The following KCNIP1 variants were observed in gnomAD, a reference collection of about 807,000 sequenced individuals.
KCNIP1 encodes potassium voltage-gated channel interacting protein 1.
Under a neutral mutation model 33.0 loss-of-function variants are expected in KCNIP1, and 18 were observed. That is an observed-to-expected ratio of 0.55 (90% CI 0.38 to 0.81). The LOEUF (loss-of-function observed/expected upper bound fraction) is 0.81, where lower values mean the gene tolerates loss of function less well. KCNIP1 is among the 30% of genes least tolerant of loss of function. The pLI is 0.00. For synonymous variants in KCNIP1, 93 were observed against 98.3 expected, an observed-to-expected ratio of 0.95 and a Z score of 0.32; for missense variants, 238 against 271.6, an observed-to-expected ratio of 0.88 and a Z score of 0.87.
chr5:170,660,448 A>C lies in KCNIP1; in HGVS notation c.62-58310A>C, dbSNP rs553040563. Among the ~76,000 whole-genome samples, 42 of 151,856 alleles carry C rather than the reference A, an allele frequency of 2.8e-4. No individual in the cohort carries two copies. The South Asian group carries it at 8.5e-3, about 31-fold the overall frequency. On this transcript the variant is annotated intron_variant, in intron 1 of 7. Transcript: ENST00000328939. ...TGCCAGTCTGGGTTTGGAGCATAAC[A>C]CTTTTTTTGATTTATGGTTTCTGCC...
At chr5:170,719,931 AC>A (rs1763761168) in intron 2 of KCNIP1, among the ~76,000 whole-genome samples, 1 of 152,184 alleles carries the variant, frequency 6.6e-6, no homozygotes, top group African/African-American at 2.4e-5. Flanking sequence ...CTTGGCATCT[AC>A]CATGGACTCA....
chr5:170,641,804 G>C (rs1042701679), intron 1 of KCNIP1, among the ~76,000 whole-genome samples: 1 of 152,156 alleles, frequency 6.6e-6, no homozygotes, highest in African/African-American at 2.4e-5. Context: ...TGGCAGCTTC[G>C]AATGGCTGAG....
chr5:170,520,133 C>T (rs1201680128), intron 1 of KCNIP1, among the ~76,000 whole-genome samples: 1 of 152,106 alleles, frequency 6.6e-6, no homozygotes, highest in African/African-American at 2.4e-5. Flanking sequence ...AGCATGTATA[C>T]CTCTTTGTAT....
At chr5:170,476,094 C>A (rs1325157589) in intron 1 of KCNIP1, among the ~76,000 whole-genome samples, 1 of 152,110 alleles carries the variant, frequency 6.6e-6, no homozygotes, top group Non-Finnish European at 1.5e-5. Flanking sequence ...CCTCAGCCTC[C>A]TGACTAGCTG....
chr5:170,699,869 C>T (rs188750895), intron 1 of KCNIP1, among the ~76,000 whole-genome samples: 1 of 152,324 alleles, frequency 6.6e-6, no homozygotes, highest in South Asian at 2.1e-4. Flanking sequence ...ACGAAGCCAG[C>T]AGGCAGAGAG....
At chr5:170,499,007 G>T (rs948400576) in intron 1 of KCNIP1, among the ~76,000 whole-genome samples, 1 of 152,134 alleles carries the variant, frequency 6.6e-6, no homozygotes, top group Non-Finnish European at 1.5e-5. Context: ...GCTGAGTGGC[G>T]GTGGATGGGG....
At chr5:170,572,150 A>G (rs1356607992) in intron 1 of KCNIP1, among the ~76,000 whole-genome samples, 2 of 152,174 alleles carry the variant, frequency 1.3e-5, no homozygotes, top group Non-Finnish European at 2.9e-5. Context: ...GGAAATGTGA[A>G]CCAGTGCAGC....
At chr5:170,378,923 G>A (rs772278093) in intron 1 of KCNIP1, 24 of 1,614,058 alleles carry the variant, frequency 1.5e-5, no homozygotes, top group South Asian at 1.3e-4. Context: ...CCTTCTCCAC[G>A]TCGGCCCGGG....
intron 1 of KCNIP1, among the ~76,000 whole-genome samples, chr5:170,686,449 A>G (rs571355064): frequency 1.2e-4 from 19 of 152,340 alleles, no homozygotes; most frequent in South Asian, 1.2e-3. Context: ...TTGGGTATCC[A>G]AGTAAGTTAT....
intron 1 of KCNIP1, among the ~76,000 whole-genome samples, chr5:170,512,763 G>A (rs1754982931): frequency 6.6e-6 from 1 of 151,734 alleles, no homozygotes. Context: ...GAAATACAGA[G>A]TCCCGGCCAG....
intron 1 of KCNIP1, among the ~76,000 whole-genome samples, chr5:170,620,937 C>T (rs1329966206): frequency 1.3e-5 from 2 of 152,282 alleles, no homozygotes; most frequent in Middle Eastern, 3.4e-3. Context: ...TTCCAGGATC[C>T]TTCCATCTCC....
chr5:170,578,503 A>G (rs896103892), intron 1 of KCNIP1, among the ~76,000 whole-genome samples: 33 of 152,252 alleles, frequency 2.2e-4, no homozygotes, highest in African/African-American at 7.5e-4. Context: ...GACTGTGCAC[A>G]TGAGGAGATG....
chr5:170,385,315 T>C, intron 1 of KCNIP1: 1 of 1,614,038 alleles, frequency 6.2e-7, no homozygotes, highest in Non-Finnish European at 8.5e-7. Context: ...GCTCAGTACC[T>C]TTTCTGGTAG....
At chr5:170,525,548 G>A (rs1755535794) in intron 1 of KCNIP1, among the ~76,000 whole-genome samples, 1 of 152,238 alleles carries the variant, frequency 6.6e-6, no homozygotes, top group Non-Finnish European at 1.5e-5. Flanking sequence ...AGACCTCTGT[G>A]AGAACCCTAC....
intron 1 of KCNIP1, among the ~76,000 whole-genome samples, chr5:170,493,976 G>T (rs1416868008): frequency 3.3e-5 from 5 of 152,166 alleles, no homozygotes; most frequent in Non-Finnish European, 5.9e-5. Flanking sequence ...CAGAGCAGGG[G>T]CCCGGTGGCT....
chr5:170,531,359 A>G (rs570283008), intron 1 of KCNIP1, among the ~76,000 whole-genome samples: 46 of 152,278 alleles, frequency 3.0e-4, no homozygotes, highest in South Asian at 1.2e-3. Flanking sequence ...TGCATTTCCA[A>G]TACCCTTCTC....
chr5:170,706,141 A>C (rs564853825), intron 1 of KCNIP1, among the ~76,000 whole-genome samples: 13 of 152,332 alleles, frequency 8.5e-5, no homozygotes, highest in African/African-American at 2.9e-4. Flanking sequence ...GCCAGCTTCC[A>C]TTATGTTCCT....
chr5:170,699,555 T>TCAA lies in KCNIP1; in HGVS notation c.62-19203_62-19202insCAA, dbSNP rs1561771758. Among the ~76,000 whole-genome samples the TCAA allele has an allele frequency of 5.9e-5, 7 of 118,202 alleles. 1 individual carries two copies. Among genetic ancestry groups the TCAA allele is most frequent in the South Asian group, 3.1e-4 (1 of 3,262 alleles). 77.5% of individuals were successfully genotyped at this position (118,202 alleles called of 152,430 possible). A position where few individuals can be genotyped will look rare whatever the true frequency, so the allele number is the denominator to read the frequency against. ...CTAAAATAAGAATTAAATTGCTCTG[T>TCAA]GAAAAAAAAAAAAAAAAAAAAAAGT... On this transcript the variant is annotated intron_variant, in intron 1 of 7. Coordinates refer to ENST00000328939, the MANE Select transcript of KCNIP1 (RefSeq NM_014592.4).
At chr5:170,374,750 C>A (rs1272332286) in intron 1 of KCNIP1, 1 of 152,202 alleles carries the variant, frequency 6.6e-6, no homozygotes, top group Non-Finnish European at 1.5e-5. Context: ...AACACGTAGG[C>A]ACAGGGTCTA....
Sources: allele counts gnomAD v4.1 joint callset (sites outside exome capture counted in the v4.1 genomes callset), GRCh38; gene constraint gnomAD v4.1.1; transcripts MANE v1.5; gene names NCBI Gene and HGNC (gene_info 2026-07-23, HGNC 2026-07-21).